The following KCTD9 variants were observed in gnomAD, a reference collection of about 807,000 sequenced individuals.
The protein encoded by KCTD9 is potassium channel tetramerization domain containing 9, also known as BTB/POZ domain-containing protein KCTD9.
KCTD9 carries 17 observed loss-of-function variants against 53.3 expected under a neutral mutation model. That is an observed-to-expected ratio of 0.32 (90% confidence interval 0.22 to 0.48). KCTD9 has a LOEUF of 0.48. KCTD9 is among the 20% of genes least tolerant of loss of function. The pLI, the probability that KCTD9 is intolerant of heterozygous loss-of-function variation, is 0.99. For missense variants in KCTD9, 179 were observed against 465.5 expected (o/e 0.38, Z 5.66); for synonymous variants, 128 against 162.7 (o/e 0.79, Z 1.62).
At chr8:25,446,935 G>T (rs1802224169) in intron 1 of KCTD9, among the ~76,000 whole-genome samples, 1 of 152,174 alleles carries the variant, frequency 6.6e-6, no homozygotes, top group Non-Finnish European at 1.5e-5. Flanking sequence ...GAATCAAGCA[G>T]TCTGATATAT....
intron 1 of KCTD9, 145 bp downstream of exon 1, chr8:25,458,054 T>G: frequency 1.3e-6 from 1 of 744,010 alleles, no homozygotes; most frequent in Non-Finnish European, 2.2e-6. Context: ...GCGGGGACCC[T>G]GTGCTGTCCC....
At chr8:25,432,312 T>A (rs73220005) in intron 11 of KCTD9, among the ~76,000 whole-genome samples, 192 bp downstream of exon 11, 3,269 of 152,296 alleles carry the variant, frequency 0.021, 51 homozygotes, top group Non-Finnish European at 0.034. Flanking sequence ...AGATAACACA[T>A]CTATCAAACT....
At chr8:25,430,007 G>A in intron 11 of KCTD9, 34 bp from the exon 12 acceptor site, 1 of 1,205,492 alleles carries the variant, frequency 8.3e-7, no homozygotes, top group Non-Finnish European at 1.2e-6. Context: ...TGTAATTCAT[G>A]TGGAAATTTC....
chr8:25,439,129 C>T lies in KCTD9; in HGVS notation c.499+150G>A, dbSNP rs1802071815. 6.7e-6 allele frequency: 4 copies of T among 600,334 alleles called. No homozygotes were observed. The South Asian group carries it at 1.2e-4, about 18-fold the overall frequency. 37.2% of individuals were successfully genotyped at this position (600,334 alleles called of 1,614,324 possible). A position where few individuals can be genotyped will look rare whatever the true frequency, so the allele number is the denominator to read the frequency against. On this transcript the variant is annotated intron_variant, in intron 6 of 11. Coordinates refer to ENST00000221200, the MANE Select transcript of KCTD9 (RefSeq NM_017634.4). ...TTTCTACACCTATATCACTCATATA[C>T]ATGTGAAAACATCTAGTTTAAAAAA...
chr8:25,442,815 T>C (rs1022328873), intron 3 of KCTD9, among the ~76,000 whole-genome samples: 2 of 152,218 alleles, frequency 1.3e-5, no homozygotes, highest in Non-Finnish European at 2.9e-5. Flanking sequence ...CTGTTTTTAG[T>C]AATTATATTG....
intron 1 of KCTD9, among the ~76,000 whole-genome samples, chr8:25,455,368 C>T (rs1180700235): frequency 6.6e-6 from 1 of 152,106 alleles, no homozygotes; most frequent in African/African-American, 2.4e-5. Context: ...ACTAGGATGA[C>T]TCATCCTATC....
intron 1 of KCTD9, among the ~76,000 whole-genome samples, chr8:25,457,919 C>T (rs1274559680): frequency 6.6e-6 from 1 of 151,072 alleles, no homozygotes; most frequent in Admixed American, 6.6e-5. Flanking sequence ...CCCCCGTCCC[C>T]GCGCCCCCCG....
chr8:25,458,305 ACCTTTTTCTCCTCCCG>A lies in KCTD9; in HGVS notation c.-75_-60del. ...CACCCTCCCACCTGGTCCTCCTCCCACCTTTTTCTCCTCCCGCCCTTCCCCTCCCTCCACCCACTCG... is the reference window on the plus strand; with the variant it reads ...CACCCTCCCACCTGGTCCTCCTCCCACCCTTCCCCTCCCTCCACCCACTCG... On this transcript the variant is annotated 5_prime_UTR_variant, in exon 1 of 12. Coordinates refer to ENST00000221200, the MANE Select transcript of KCTD9 (RefSeq NM_017634.4). 1 of 1,586,102 alleles carries A rather than the reference ACCTTTTTCTCCTCCCG, an allele frequency of 6.3e-7. No homozygotes were observed. The highest frequency in any genetic ancestry group is 8.6e-7 in the Non-Finnish European group (1 of 1,160,892).
intron 6 of KCTD9, among the ~76,000 whole-genome samples, 167 bp downstream of exon 6, chr8:25,439,112 C>T (rs1802071591): frequency 2.0e-5 from 3 of 152,118 alleles, no homozygotes; most frequent in Non-Finnish European, 4.4e-5. Flanking sequence ...TATTTCTACA[C>T]CTATATCACT....
rs1391500995 is a variant in KCTD9, at chr8:25,449,786, G to A, written c.49-3536C>T. The stretch of plus-strand genomic sequence containing the variant: ...AATAGCACAAATTTCCATCATCTCA[G>A]TAGTTCTATTAGACAGTGCCATTTT... On this transcript the variant is annotated intron_variant, in intron 1 of 11. Transcript: ENST00000221200. Among the ~76,000 whole-genome samples the A allele has an allele frequency of 2.4e-4, 36 of 150,854 alleles. 1 individual carries two copies. Among genetic ancestry groups the A allele is most frequent in the Admixed American group, 2.4e-3 (36 of 15,112 alleles).
Position 25,443,113 on chromosome 8 carries a change from T to C in KCTD9, c.214+1179A>G, listed in dbSNP as rs138937232. 9.5e-3 allele frequency among the ~76,000 whole-genome samples: 1,447 copies of C among 152,266 alleles called. 25 individuals are homozygous for C. Among genetic ancestry groups the C allele is most frequent in the African/African-American group, 0.033 (1,355 of 41,564 alleles). On this transcript the variant is annotated intron_variant, in intron 3 of 11. Transcript: ENST00000221200. ...AAACTTTATATCCTATAACATACAT[T>C]ATATACAAATTTTATCTCTACCTAT...
At chr8:25,436,717 T>A (rs1404332516) in intron 6 of KCTD9, among the ~76,000 whole-genome samples, 2 of 152,180 alleles carry the variant, frequency 1.3e-5, no homozygotes, top group Non-Finnish European at 2.9e-5. Flanking sequence ...AATTCAGAAA[T>A]CTGTCTTATA....
Position 25,428,886 on chromosome 8 carries a change from G to C in KCTD9, c.*971C>G, listed in dbSNP as rs2117378274. On this transcript the variant is annotated 3_prime_UTR_variant, in exon 12 of 12. Transcript: ENST00000221200. ...ATATTCACTCATATAAGCTTTGATT[G>C]CAGTAGCTCTGGATTTAGTATCTAT... The C allele has an allele frequency of 6.6e-6, 1 of 152,244 alleles. No individual in the cohort carries two copies. 9.4% of individuals were successfully genotyped at this position (152,244 alleles called of 1,614,324 possible).
chr8:25,438,142 G>A (rs1476944190), intron 6 of KCTD9, among the ~76,000 whole-genome samples: 1 of 152,130 alleles, frequency 6.6e-6, no homozygotes, highest in African/African-American at 2.4e-5. Context: ...TTGGTTTGCA[G>A]ATGTGTGACA....
chr8:25,444,731 A>G (rs1031459392), intron 2 of KCTD9, among the ~76,000 whole-genome samples: 1 of 152,156 alleles, frequency 6.6e-6, no homozygotes, highest in Non-Finnish European at 1.5e-5. Context: ...GAGATGAAAT[A>G]AACTGTCATA....
chr8:25,436,459 CA>C lies in KCTD9; in HGVS notation c.525del (p.Phe175LeufsTer6). On this transcript the variant is annotated frameshift_variant, in exon 7 of 12. Transcript: ENST00000221200. LOFTEE classifies it high-confidence loss of function. ...AGGTGTTCAATCAATGAGTCAATACCAAAAAATCTTGCTTCTTCTAACACAC... is the reference window on the plus strand; with the variant it reads ...AGGTGTTCAATCAATGAGTCAATACCAAAAATCTTGCTTCTTCTAACACAC... ...LLGVLEEARF[F>X]GIDSLIEHLE... 3 of 1,576,974 alleles carry C rather than the reference CA, an allele frequency of 1.9e-6. No homozygotes were observed. Among genetic ancestry groups the C allele is most frequent in the Non-Finnish European group, 2.6e-6 (3 of 1,170,906 alleles).
At chr8:25,450,351 A>G in intron 1 of KCTD9, 1 of 985,420 alleles carries the variant, frequency 1.0e-6, no homozygotes, top group Non-Finnish European at 1.2e-6. Context: ...TTCTACTAAT[A>G]ACCGCCATAG....
chr8:25,432,101 A>G (rs1393544822), intron 11 of KCTD9, among the ~76,000 whole-genome samples: 2 of 152,236 alleles, frequency 1.3e-5, no homozygotes, highest in East Asian at 3.9e-4. Flanking sequence ...ACATACAAAT[A>G]TAATTCTTTG....
chr8:25,436,419 T>C lies in KCTD9; in HGVS notation c.566A>G (p.Lys189Arg). 6.2e-7 allele frequency: 1 copy of C among 1,610,432 alleles called. No homozygotes were observed. The highest frequency in any genetic ancestry group is 1.1e-5 in the South Asian group (1 of 90,502). The change falls in exon 7 of 12, where the codon AAG becomes AGG. Residue 189 changes from lysine to arginine, a missense_variant and splice_region_variant. Physicochemically the swap from Lys to Arg is conservative, Grantham distance 26. Transcript: ENST00000221200. ...SLIEHLEVAI[K>R]NSQPPEDHSP... ...TGGCTAATGTAAAAACAGGCTTACCTTTATTGCCACTTCTAGGTGTTCAAT... is the reference window on the plus strand; with the variant it reads ...TGGCTAATGTAAAAACAGGCTTACCCTTATTGCCACTTCTAGGTGTTCAAT...
Sources: allele counts gnomAD v4.1 joint callset (sites outside exome capture counted in the v4.1 genomes callset), GRCh38; gene constraint gnomAD v4.1.1; transcripts MANE v1.5; gene names NCBI Gene and HGNC (gene_info 2026-07-23, HGNC 2026-07-21).